ASIC2: variants seen among roughly 807,000 people sequenced by gnomAD.
The protein encoded by ASIC2 is acid sensing ion channel subunit 2, also known as acid-sensing ion channel 2.
A neutral mutation model predicts 57.3 loss-of-function variants in ASIC2; 25 were observed. The observed-to-expected ratio is 0.44, with a 90% confidence interval of 0.32 to 0.61. ASIC2 has a LOEUF of 0.61. Among genes scored for constraint, ASIC2 ranks in the 20% least tolerant of loss-of-function variants. ASIC2 has a pLI of 0.06. For missense variants in ASIC2, 641 were observed against 738.1 expected (o/e 0.87, Z 1.52); for synonymous variants, 319 against 307.5 (o/e 1.04, Z -0.39).
At chr17:33,283,006 C>A (rs11080210) in intron 1 of ASIC2, among the ~76,000 whole-genome samples, 7 of 151,996 alleles carry the variant, frequency 4.6e-5, no homozygotes, top group Admixed American at 2.0e-4. Flanking sequence ...CTTTAAGGGG[C>A]CATCATTCAG....
At chr17:33,543,627 G>A (rs944135092) in intron 1 of ASIC2, among the ~76,000 whole-genome samples, 1 of 152,168 alleles carries the variant, frequency 6.6e-6, no homozygotes, top group Admixed American at 6.5e-5. Flanking sequence ...GCTAGCATGC[G>A]AGCTACCATT....
At chr17:33,444,735 A>C (rs1911952801) in intron 1 of ASIC2, among the ~76,000 whole-genome samples, 1 of 152,128 alleles carries the variant, frequency 6.6e-6, no homozygotes, top group African/African-American at 2.4e-5. Context: ...CCTTCATGTC[A>C]GCCTCTGGAA....
chr17:33,942,145 G>A (rs1479034601), intron 1 of ASIC2, among the ~76,000 whole-genome samples: 2 of 152,132 alleles, frequency 1.3e-5, no homozygotes, highest in Non-Finnish European at 2.9e-5. Context: ...GAAGAAGGGA[G>A]AAGGCAGAAA....
chr17:33,184,465 T>G (rs1239050432), intron 1 of ASIC2, among the ~76,000 whole-genome samples: 2 of 152,042 alleles, frequency 1.3e-5, no homozygotes, highest in Non-Finnish European at 2.9e-5. Context: ...AAACGGAACT[T>G]TCTCCATGAC....
chr17:33,548,313 G>A (rs1915642564), intron 1 of ASIC2, among the ~76,000 whole-genome samples: 1 of 152,172 alleles, frequency 6.6e-6, no homozygotes, highest in Non-Finnish European at 1.5e-5. Context: ...ATAGTTTGTT[G>A]AAATGCACAT....
intron 1 of ASIC2, among the ~76,000 whole-genome samples, chr17:33,605,514 C>T (rs544508205): frequency 3.9e-5 from 6 of 152,302 alleles, no homozygotes; most frequent in Admixed American, 3.9e-4. Flanking sequence ...ATTAGAGGCA[C>T]TCTGAGGACC....
intron 3 of ASIC2, among the ~76,000 whole-genome samples, chr17:33,048,973 A>G (rs2091965263): frequency 6.6e-6 from 1 of 152,248 alleles, no homozygotes; most frequent in Non-Finnish European, 1.5e-5. Context: ...GGCTCAACCA[A>G]GTGACATCAG....
intron 1 of ASIC2, among the ~76,000 whole-genome samples, chr17:33,684,302 C>T (rs1908107029): frequency 6.6e-6 from 1 of 152,252 alleles, no homozygotes; most frequent in African/African-American, 2.4e-5. Context: ...CTAGCACCCA[C>T]TCCCAGCCCG....
chr17:33,223,943 G>C (rs1457065179), intron 1 of ASIC2, among the ~76,000 whole-genome samples: 2 of 152,200 alleles, frequency 1.3e-5, no homozygotes. Context: ...ATGAAGTCCT[G>C]GTCACAGACA....
At chr17:33,146,787 A>G (rs1318976539) in intron 1 of ASIC2, among the ~76,000 whole-genome samples, 1 of 152,230 alleles carries the variant, frequency 6.6e-6, no homozygotes, top group East Asian at 1.9e-4. Flanking sequence ...GAAGGAGAGA[A>G]GGAGGAGGAT....
chr17:33,623,426 A>AT (rs11328045), intron 1 of ASIC2: 12,785 of 147,570 alleles, frequency 0.087, 550 homozygotes, highest in African/African-American at 0.11. Flanking sequence ...CGCCCAGCCA[A>AT]TTTTTTTTTT....
At chr17:33,950,557 A>G (rs1016771128) in intron 1 of ASIC2, among the ~76,000 whole-genome samples, 4 of 152,216 alleles carry the variant, frequency 2.6e-5, no homozygotes, top group Non-Finnish European at 5.9e-5. Flanking sequence ...GGCAGCAATG[A>G]GTGGGGACCT....
At chr17:33,779,964 A>G (rs1911397431) in intron 1 of ASIC2, among the ~76,000 whole-genome samples, 1 of 64,774 alleles carries the variant, frequency 1.5e-5, no homozygotes, top group Admixed American at 1.6e-4. Flanking sequence ...TGGCTACAGA[A>G]GCCTTTTTTT....
At chr17:33,137,090 C>T (rs994130152) in intron 1 of ASIC2, among the ~76,000 whole-genome samples, 2 of 152,154 alleles carry the variant, frequency 1.3e-5, no homozygotes, top group South Asian at 2.1e-4. Context: ...TGTTCCTACA[C>T]GGGACAGCCG....
intron 1 of ASIC2, among the ~76,000 whole-genome samples, chr17:33,251,042 G>A (rs561017209): frequency 2.0e-5 from 3 of 152,184 alleles, no homozygotes; most frequent in African/African-American, 4.8e-5. Flanking sequence ...TGTCAAATTC[G>A]CTGCATAGTT....
intron 1 of ASIC2, among the ~76,000 whole-genome samples, chr17:33,220,327 A>G (rs930044314): frequency 6.6e-6 from 1 of 152,186 alleles, no homozygotes; most frequent in African/African-American, 2.4e-5. Flanking sequence ...CAGTTTTTGC[A>G]CAGTGGCCCC....
At chr17:33,805,491 A>C (rs575862214) in intron 1 of ASIC2, among the ~76,000 whole-genome samples, 23 of 152,320 alleles carry the variant, frequency 1.5e-4, no homozygotes, top group Non-Finnish European at 7.4e-5. Context: ...TCATAGGGAA[A>C]TCTTTCTTTG....
intron 1 of ASIC2, among the ~76,000 whole-genome samples, chr17:33,355,164 C>T (rs1424808124): frequency 6.6e-6 from 1 of 152,148 alleles, no homozygotes; most frequent in Non-Finnish European, 1.5e-5. Context: ...GAAACCCCAA[C>T]TCTACTAAAG....
intron 1 of ASIC2, chr17:34,155,579 G>A (rs1904686215): frequency 1.1e-5 from 2 of 187,240 alleles, no homozygotes; most frequent in Middle Eastern, 2.2e-3. Context: ...AGACACACAC[G>A]CACACGCACA....
Sources: allele counts gnomAD v4.1 joint callset (sites outside exome capture counted in the v4.1 genomes callset), GRCh38; gene constraint gnomAD v4.1.1; transcripts MANE v1.5; gene names NCBI Gene and HGNC (gene_info 2026-07-23, HGNC 2026-07-21).